Variants in CENPP observed in about 807,000 individuals in gnomAD.
CENPP encodes centromere protein P.
In CENPP, 24 loss-of-function variants were observed where a neutral mutation model predicts 35.6. The observed-to-expected ratio is 0.67, with a 90% CI of 0.49 to 0.95. The LOEUF (loss-of-function observed/expected upper bound fraction) is 0.95. Among genes scored for constraint, CENPP ranks in the 40% least tolerant of loss-of-function variants. The pLI, the probability that CENPP is intolerant of heterozygous loss-of-function variation, is 0.00. For synonymous variants in CENPP, 120 were observed against 125.5 expected (o/e 0.96, Z 0.29); for missense variants, 332 against 345.3 (o/e 0.96, Z 0.31).
intron 4 of CENPP, among the ~76,000 whole-genome samples, chr9:92,361,620 C>G (rs1841754518): frequency 6.6e-6 from 1 of 151,676 alleles, no homozygotes; most frequent in East Asian, 1.9e-4. Context: ...GCTAGGATTG[C>G]AGGCATGCAC....
intron 5 of CENPP, among the ~76,000 whole-genome samples, chr9:92,443,729 G>A (rs1844481064): frequency 6.6e-6 from 1 of 151,646 alleles, no homozygotes; most frequent in East Asian, 1.9e-4. Flanking sequence ...GCGCAATCTC[G>A]GCTCACTGCG....
intron 5 of CENPP, among the ~76,000 whole-genome samples, chr9:92,521,565 A>G (rs1848072675): frequency 6.6e-6 from 1 of 152,116 alleles, no homozygotes; most frequent in African/African-American, 2.4e-5. Context: ...ATATGGTGAT[A>G]TTTTCTGTTA....
chr9:92,567,406 A>G (rs963798183), intron 5 of CENPP, among the ~76,000 whole-genome samples: 1 of 148,124 alleles, frequency 6.8e-6, no homozygotes, highest in African/African-American at 2.5e-5. Flanking sequence ...AGATATATAT[A>G]TAAAGTGGTT....
intron 5 of CENPP, among the ~76,000 whole-genome samples, chr9:92,439,076 AT>A (rs1238685653): frequency 6.6e-6 from 1 of 152,078 alleles, no homozygotes; most frequent in South Asian, 2.1e-4. Flanking sequence ...AGTGACTTAG[AT>A]TTTTTTGCAT....
At chr9:92,548,085 CAATT>C (rs1849510491) in intron 5 of CENPP, among the ~76,000 whole-genome samples, 1 of 152,174 alleles carries the variant, frequency 6.6e-6, no homozygotes. Context: ...TCCAGACACA[CAATT>C]AATATATAAA....
intron 5 of CENPP, among the ~76,000 whole-genome samples, chr9:92,484,648 C>G (rs916409709): frequency 1.3e-5 from 2 of 152,112 alleles, no homozygotes; most frequent in African/African-American, 4.8e-5. Context: ...TAGGCTTTCC[C>G]AGTCTGTGAT....
intron 5 of CENPP, chr9:92,386,200 C>T (rs141376892): frequency 3.1e-6 from 5 of 1,591,272 alleles, no homozygotes; most frequent in Non-Finnish European, 2.6e-6. Flanking sequence ...AACTATCATA[C>T]CTGAAGATGA....
At chr9:92,450,564 A>G (rs1403057450) in intron 5 of CENPP, among the ~76,000 whole-genome samples, 1 of 152,090 alleles carries the variant, frequency 6.6e-6, no homozygotes, top group Admixed American at 6.5e-5. Flanking sequence ...ATACGTGTGC[A>G]TGTGTCTTTA....
intron 5 of CENPP, among the ~76,000 whole-genome samples, chr9:92,382,669 G>A (rs1381518122): frequency 6.6e-6 from 1 of 151,932 alleles, no homozygotes; most frequent in African/African-American, 2.4e-5. Flanking sequence ...CTTTTAGTTT[G>A]TTTTTAAATA....
chr9:92,459,768 A>C (rs1222783625), intron 5 of CENPP: 2 of 1,613,086 alleles, frequency 1.2e-6, no homozygotes, highest in Non-Finnish European at 1.7e-6. Context: ...TCCTAGGCCC[A>C]GCCTAAAAAT....
In CENPP at chr9:92,332,349, A is replaced by G. The variant is rs770388140; in HGVS notation, c.287A>G (p.Lys96Arg). 6.4e-7 allele frequency: 1 copy of G among 1,560,608 alleles called. No homozygotes were observed. The highest frequency in any genetic ancestry group is 8.7e-7 in the Non-Finnish European group (1 of 1,156,048). Residue 96 changes from lysine to arginine, a missense_variant and splice_region_variant, in exon 2 of 8, where the codon AAG becomes AGG. Lys to Arg is a conservative substitution (Grantham distance 26). Transcript: ENST00000375587. ...CTAACAAGCACTGAGATGACAGAAA[A>G]GAGTAAGCATTTTTTTTAAATCTAG... is the stretch of plus-strand genomic sequence containing the variant. ...EDLTSTEMTEKSIRKVLQRHR... is the reference protein window; with the variant it reads ...EDLTSTEMTERSIRKVLQRHR...
intron 4 of CENPP, among the ~76,000 whole-genome samples, chr9:92,352,511 A>AGTGTGTG (rs1564274075): frequency 2.5e-4 from 8 of 31,674 alleles, no homozygotes; most frequent in African/African-American, 2.0e-3. Context: ...GTGTGTATAC[A>AGTGTGTG]TATATATATA....
chr9:92,510,146 G>A, intron 5 of CENPP: 1 of 1,247,086 alleles, frequency 8.0e-7, no homozygotes, highest in Non-Finnish European at 1.1e-6. Context: ...CTTAGGCTTA[G>A]ACAGTAATGT....
Position 92,618,147 on chromosome 9 carries a change from C to T in CENPP, c.*4998C>T, listed in dbSNP as rs1382852935. ...ACACCTTCCTGGAAGCAGGCCCAGCCCCACACGCCATGTTCTCGGAGGAGA... is the reference window on the plus strand; with the variant it reads ...ACACCTTCCTGGAAGCAGGCCCAGCTCCACACGCCATGTTCTCGGAGGAGA... On this transcript the variant is annotated 3_prime_UTR_variant, in exon 8 of 8. Transcript: ENST00000375587. The T allele has an allele frequency of 2.3e-6, 1 of 439,464 alleles. No homozygotes were observed. Among genetic ancestry groups the T allele is most frequent in the Non-Finnish European group, 4.6e-6 (1 of 217,628 alleles). The allele number at this position is 439,464 out of a possible 1,614,324, so 27.2% of individuals were successfully genotyped here.
Position 92,441,335 on chromosome 9 carries a change from C to G in CENPP, c.564+61476C>G, listed in dbSNP as rs1036584670. Among the ~76,000 whole-genome samples, 7 of 152,204 alleles carry G rather than the reference C, an allele frequency of 4.6e-5. No individual in the cohort carries two copies. In the South Asian group the frequency reaches 1.2e-3, roughly 27 times the overall value. ...CAGAGGAATATGTTAAAGTACACCACAAGTACGCAGTCAGCAAAATCTAGA... is the reference window on the plus strand; with the variant it reads ...CAGAGGAATATGTTAAAGTACACCAGAAGTACGCAGTCAGCAAAATCTAGA... On this transcript the variant is annotated intron_variant, in intron 5 of 7. Transcript: ENST00000375587.
Position 92,551,940 on chromosome 9 carries a change from T to TG in CENPP, c.565-59374_565-59373insG, listed in dbSNP as rs368870400. 4.8e-3 allele frequency among the ~76,000 whole-genome samples: 540 copies of TG among 113,324 alleles called. 18 individuals carry two copies. Among genetic ancestry groups the TG allele is most frequent in the Non-Finnish European group, 6.2e-3 (347 of 55,916 alleles). The allele number at this position is 113,324 out of a possible 152,430, so 74.3% of individuals were successfully genotyped here. A position where few individuals can be genotyped will look rare whatever the true frequency, so the allele number is the denominator to read the frequency against. On this transcript the variant is annotated intron_variant, in intron 5 of 7. Coordinates refer to ENST00000375587, the MANE Select transcript of CENPP (RefSeq NM_001012267.3). ...TGGTGTGTGTGTATATATATATATA[T>TG]ATATATATATATGATATATATATGT...
In CENPP at chr9:92,363,542, A is replaced by G. The variant is rs73651312; in HGVS notation, c.468-16221A>G. 8.2e-3 allele frequency among the ~76,000 whole-genome samples: 1,253 copies of G among 152,296 alleles called. 14 individuals carry two copies. The highest frequency in any genetic ancestry group is 0.029 in the African/African-American group (1,198 of 41,564). ...GCCTCGGTTTGCAGTAGGCTGTACC[A>G]TTTAGGTTTAAGTACACTGTATGAT... is the stretch of plus-strand genomic sequence containing the variant. On this transcript the variant is annotated intron_variant, in intron 4 of 7. Coordinates refer to ENST00000375587, the MANE Select transcript of CENPP (RefSeq NM_001012267.3).
At chr9:92,392,534 A>G (rs996959668) in intron 5 of CENPP, among the ~76,000 whole-genome samples, 1 of 151,976 alleles carries the variant, frequency 6.6e-6, no homozygotes, top group Non-Finnish European at 1.5e-5. Flanking sequence ...AGAGCCACTT[A>G]AACCTGGGAG....
chr9:92,449,354 C>T (rs11795131), intron 5 of CENPP, among the ~76,000 whole-genome samples: 2 of 136,144 alleles, frequency 1.5e-5, no homozygotes, highest in African/African-American at 5.4e-5. Context: ...GGCAGAATGG[C>T]GTGAACCCAG....
Sources: allele counts gnomAD v4.1 joint callset (sites outside exome capture counted in the v4.1 genomes callset), GRCh38; gene constraint gnomAD v4.1.1; transcripts MANE v1.5; gene names NCBI Gene and HGNC (gene_info 2026-07-23, HGNC 2026-07-21).